NLGN1: variants seen among roughly 807,000 people sequenced by gnomAD.
NLGN1 encodes the protein neuroligin-1.
In NLGN1, 12 loss-of-function variants were observed where a neutral mutation model predicts 65.5. That is an observed-to-expected ratio of 0.18 (90% confidence interval 0.12 to 0.30). The LOEUF (loss-of-function observed/expected upper bound fraction) is 0.30, where lower values mean the gene tolerates loss of function less well. NLGN1 is among the 10% of genes least tolerant of loss of function. The pLI, the probability that NLGN1 is intolerant of heterozygous loss-of-function variation, is 1.00. For missense variants in NLGN1, 750 were observed against 1,007.1 expected, an observed-to-expected ratio of 0.74 and a Z score of 3.46; for synonymous variants, 350 against 359.5, an observed-to-expected ratio of 0.97 and a Z score of 0.30.
At chr3:173,972,416 G>A (rs1226550614) in intron 4 of NLGN1, among the ~76,000 whole-genome samples, 2 of 152,090 alleles carry the variant, frequency 1.3e-5, no homozygotes, top group Non-Finnish European at 2.9e-5. Flanking sequence ...ATGCAAAGGC[G>A]CAGAAGAACA....
rs192826401 is a variant in NLGN1 at position 174,284,001 on chromosome 3, G to A, written c.*2698G>A. On this transcript the variant is annotated 3_prime_UTR_variant, in exon 7 of 7. Transcript: ENST00000457714. ...ATTCTATTAAATAGTATGTTTTAAC[G>A]ATGGCCATATTTATATCATCTACCT... 1.8e-3 allele frequency: 279 copies of A among 151,276 alleles called. 1 individual carries two copies. The highest frequency in any genetic ancestry group is 6.6e-3 in the African/African-American group (272 of 41,414). 9.4% of individuals were successfully genotyped at this position (151,276 alleles called of 1,614,324 possible).
Position 174,068,738 on chromosome 3 carries a change from G to A in NLGN1, c.647-206577G>A, listed in dbSNP as rs562312933. On this transcript the variant is annotated intron_variant, in intron 4 of 6. Coordinates refer to ENST00000457714, the Ensembl canonical transcript of NLGN1. ...TAAAAATGATTAGAGTCACCATTTC[G>A]CTTTAATCAATCTCAATAATCTTCT... 1.5e-4 allele frequency among the ~76,000 whole-genome samples: 23 copies of A among 152,030 alleles called. No homozygotes were observed. In the South Asian group the frequency reaches 2.3e-3, roughly 15 times the overall value.
At chr3:174,098,262 C>T (rs115135774) in intron 4 of NLGN1, among the ~76,000 whole-genome samples, 2,715 of 152,248 alleles carry the variant, frequency 0.018, 41 homozygotes, top group Non-Finnish European at 0.027. Flanking sequence ...GCATTTATTA[C>T]ACTCCATTAC....
intron 2 of NLGN1, among the ~76,000 whole-genome samples, chr3:173,573,328 G>A (rs1313557201): frequency 1.3e-5 from 2 of 152,124 alleles, no homozygotes; most frequent in Admixed American, 6.5e-5. Flanking sequence ...TATTGGTACA[G>A]AGGATGCATT....
At chr3:173,570,594 A>G (rs183303843) in intron 2 of NLGN1, among the ~76,000 whole-genome samples, 45 of 152,094 alleles carry the variant, frequency 3.0e-4, no homozygotes, top group African/African-American at 9.4e-4. Context: ...CCTCCCCCCA[A>G]TGGGTGCTGG....
chr3:173,731,840 A>G (rs932463745), intron 3 of NLGN1, among the ~76,000 whole-genome samples: 6 of 152,058 alleles, frequency 3.9e-5, no homozygotes, highest in Non-Finnish European at 8.8e-5. Context: ...GACTGAGTTC[A>G]GGAAGTGGTC....
intron 3 of NLGN1, among the ~76,000 whole-genome samples, chr3:173,633,935 A>G (rs1165724017): frequency 6.6e-6 from 1 of 152,142 alleles, no homozygotes; most frequent in African/African-American, 2.4e-5. Context: ...TATACTCACA[A>G]CACTGTAAGG....
chr3:173,872,388 G>A (rs1294895611), intron 4 of NLGN1, among the ~76,000 whole-genome samples: 1 of 152,202 alleles, frequency 6.6e-6, no homozygotes, highest in Non-Finnish European at 1.5e-5. Context: ...AATATGGAAT[G>A]GCAAATAGCT....
intron 4 of NLGN1, among the ~76,000 whole-genome samples, chr3:174,212,607 A>G (rs2152795527): frequency 6.6e-6 from 1 of 152,386 alleles, no homozygotes; most frequent in South Asian, 2.1e-4. Flanking sequence ...TCACCTAAGG[A>G]TGCATCTCTC....
chr3:173,525,890 C>G (rs1456929496), intron 2 of NLGN1, among the ~76,000 whole-genome samples: 5 of 152,038 alleles, frequency 3.3e-5, no homozygotes, highest in South Asian at 2.1e-4. Flanking sequence ...ACTTAGTTTT[C>G]TTGTACTTGA....
chr3:174,090,115 G>C (rs1576816021), intron 4 of NLGN1, among the ~76,000 whole-genome samples: 1 of 152,018 alleles, frequency 6.6e-6, no homozygotes, highest in African/African-American at 2.4e-5. Context: ...AACCAGCAAA[G>C]TGTTCTGTTT....
At chr3:174,118,645 A>C (rs770998134) in intron 4 of NLGN1, among the ~76,000 whole-genome samples, 1 of 152,098 alleles carries the variant, frequency 6.6e-6, no homozygotes, top group African/African-American at 2.4e-5. Context: ...GGATTCTTAG[A>C]TGTTCAGCAA....
intron 3 of NLGN1, among the ~76,000 whole-genome samples, chr3:173,738,977 A>T (rs1255992372): frequency 1.3e-5 from 2 of 152,086 alleles, no homozygotes; most frequent in East Asian, 3.9e-4. Context: ...GGTTTTATCC[A>T]TGGAGAAAGA....
chr3:173,951,694 C>T (rs1201517326), intron 4 of NLGN1, among the ~76,000 whole-genome samples: 2 of 151,878 alleles, frequency 1.3e-5, no homozygotes, highest in East Asian at 3.9e-4. Flanking sequence ...AACTCCTGAC[C>T]TCGTGTTCTG....
At chr3:173,478,068 A>G (rs1236699018) in intron 2 of NLGN1, among the ~76,000 whole-genome samples, 1 of 151,986 alleles carries the variant, frequency 6.6e-6, no homozygotes, top group Non-Finnish European at 1.5e-5. Flanking sequence ...TACCCAAAGG[A>G]ACATAAATCA....
chr3:174,021,579 T>C (rs1184908320), intron 4 of NLGN1, among the ~76,000 whole-genome samples: 1 of 152,126 alleles, frequency 6.6e-6, no homozygotes, highest in Admixed American at 6.6e-5. Context: ...TTGGAAGTAG[T>C]GTAATAGAAA....
At chr3:173,402,800 T>C (rs1717935054) in intron 1 of NLGN1, among the ~76,000 whole-genome samples, 1 of 152,184 alleles carries the variant, frequency 6.6e-6, no homozygotes, top group Non-Finnish European at 1.5e-5. Context: ...TGACTAAAAC[T>C]ATGTCACATT....
intron 4 of NLGN1, among the ~76,000 whole-genome samples, chr3:174,169,828 G>A (rs374151875): frequency 9.2e-5 from 14 of 152,226 alleles, no homozygotes; most frequent in African/African-American, 3.4e-4. Flanking sequence ...CAATTCCAGT[G>A]CCTACTGCAT....
At chr3:174,277,169 C>G (rs1463667257) in intron 5 of NLGN1, among the ~76,000 whole-genome samples, 3 of 151,852 alleles carry the variant, frequency 2.0e-5, no homozygotes, top group Non-Finnish European at 4.4e-5. Flanking sequence ...AAACCTGTCT[C>G]CAAACTAAGC....
Sources: allele counts gnomAD v4.1 joint callset (sites outside exome capture counted in the v4.1 genomes callset), GRCh38; gene constraint gnomAD v4.1.1; transcripts MANE v1.5; gene names NCBI Gene and HGNC (gene_info 2026-07-23, HGNC 2026-07-21).